Variants in MYO6 observed in about 807,000 individuals in gnomAD.
MYO6 encodes the protein myosin VI, also known as unconventional myosin-VI.
MYO6 carries 74 observed loss-of-function variants against 178.7 expected under a neutral mutation model. The ratio of observed to expected loss-of-function variants is 0.41; its 90% CI spans 0.34 to 0.50. The LOEUF is 0.50. Among genes scored for constraint, MYO6 ranks in the 20% least tolerant of loss-of-function variants. MYO6 has a pLI of 0.09. For missense variants in MYO6, 1,330 were observed against 1,547.4 expected (o/e 0.86, Z 2.36); for synonymous variants, 477 against 504.6 (o/e 0.95, Z 0.73).
intron 30 of MYO6, among the ~76,000 whole-genome samples, chr6:75,904,078 A>G (rs374483145): frequency 6.6e-6 from 1 of 152,112 alleles, no homozygotes; most frequent in Non-Finnish European, 1.5e-5. Flanking sequence ...TGGCTTGTAG[A>G]GTTTCTGCCA....
chr6:75,858,910 G>T lies in MYO6; in HGVS notation c.1390G>T (p.Glu464Ter). 6.2e-7 allele frequency: 1 copy of T among 1,601,102 alleles called. No individual in the cohort carries two copies. Among genetic ancestry groups the T allele is most frequent in the South Asian group, 1.1e-5 (1 of 90,336 alleles). The change falls in exon 14 of 35, where the codon GAG (glutamate) becomes TAG (stop). Residue 464 changes from glutamate to a stop codon, truncating the protein, a stop_gained. Transcript: ENST00000369977. LOFTEE classifies it high-confidence loss of function. ...TGGTTTTATATTTTCAGAGTACTTT[G>T]AGCATAACAGTTTTGAACAATTTTG... Reference protein sequence around the residue: ...VLDIAGFEYFEHNSFEQFCIN... With the variant: ...VLDIAGFEYF
chr6:75,913,594 TTAAAC>T (rs1438159446), intron 33 of MYO6, among the ~76,000 whole-genome samples: 2 of 152,234 alleles, frequency 1.3e-5, no homozygotes, highest in African/African-American at 4.8e-5. Flanking sequence ...GAAATAGTGA[TTAAAC>T]TGACAAATGT....
intron 1 of MYO6, among the ~76,000 whole-genome samples, chr6:75,750,554 C>T (rs542457763): frequency 9.9e-4 from 145 of 146,278 alleles, no homozygotes; most frequent in African/African-American, 3.4e-3. Flanking sequence ...TTTTAATGCT[C>T]TGGTGGTATA....
intron 29 of MYO6, among the ~76,000 whole-genome samples, chr6:75,896,758 G>A (rs1385168963): frequency 1.3e-5 from 2 of 152,154 alleles, no homozygotes; most frequent in Non-Finnish European, 2.9e-5. Context: ...CTCACACATT[G>A]TTGTTACCAC....
chr6:75,908,041 C>T (rs1562314729), intron 31 of MYO6, among the ~76,000 whole-genome samples: 1 of 152,262 alleles, frequency 6.6e-6, no homozygotes, highest in East Asian at 1.9e-4. Flanking sequence ...ATTCAGAAAA[C>T]TATGACTAGA....
chr6:75,841,122 G>GT lies in MYO6; in HGVS notation c.652-92_652-91insT, dbSNP rs370811316. ...ATTATAACCTCTTTGATAGACAAAT[G>GT]GTATTAGAAAAGGTAAATAATTTAA... On this transcript the variant is annotated intron_variant, in intron 8 of 34. Transcript: ENST00000369977. 551,155 of 1,223,298 alleles carry GT rather than the reference G, an allele frequency of 0.45. 129,460 individuals are homozygous for GT. Among genetic ancestry groups the GT allele is most frequent in the Middle Eastern group, 0.51 (2,016 of 3,958 alleles). The allele number at this position is 1,223,298 out of a possible 1,614,324, so 75.8% of individuals were successfully genotyped here. A position where few individuals can be genotyped will look rare whatever the true frequency, so the allele number is the denominator to read the frequency against.
Position 75,804,990 on chromosome 6 carries a change from T to TAC in MYO6, c.-47-12510_-47-12509insCA, listed in dbSNP as rs1364681611. ...ACACATATATACACACACATATATA[T>TAC]ATACACACACACATATATATATATA... On this transcript the variant is annotated intron_variant, in intron 1 of 34. Coordinates refer to ENST00000369977, the MANE Select transcript of MYO6 (RefSeq NM_004999.4). Among the ~76,000 whole-genome samples the TAC allele has an allele frequency of 3.9e-3, 490 of 125,400 alleles. 2 individuals are homozygous for TAC. Among genetic ancestry groups the TAC allele is most frequent in the African/African-American group, 0.016 (469 of 29,486 alleles). 82.3% of individuals were successfully genotyped at this position (125,400 alleles called of 152,430 possible).
At chr6:75,762,750 C>T (rs1778063144) in intron 1 of MYO6, among the ~76,000 whole-genome samples, 1 of 152,218 alleles carries the variant, frequency 6.6e-6, no homozygotes, top group South Asian at 2.1e-4. Context: ...AAGCCATTGT[C>T]TGCAGCTCTT....
At chr6:75,786,175 C>T (rs1767547681) in intron 1 of MYO6, among the ~76,000 whole-genome samples, 1 of 152,122 alleles carries the variant, frequency 6.6e-6, no homozygotes, top group Non-Finnish European at 1.5e-5. Context: ...ATCTGCCCGC[C>T]TTGGCTTCCC....
Position 75,895,518 on chromosome 6 carries a change from A to AT in MYO6, c.3137+274dup, listed in dbSNP as rs372759632. Among the ~76,000 whole-genome samples the AT allele has an allele frequency of 8.5e-3, 1,192 of 140,162 alleles. 16 individuals carry two copies. The highest frequency in any genetic ancestry group is 0.02 in the African/African-American group (760 of 38,462). The allele number at this position is 140,162 out of a possible 152,430, so 92.0% of individuals were successfully genotyped here. On this transcript the variant is annotated intron_variant, in intron 29 of 34. Coordinates refer to ENST00000369977, the MANE Select transcript of MYO6 (RefSeq NM_004999.4). ...TATTTTGTTTTATGTATATATATGA[A>AT]TTTTTTTTTTTTTTTTGAGACAGAG...
intron 14 of MYO6, 22 bp from the exon 15 acceptor site, chr6:75,861,001 A>G (rs762647062): frequency 1.9e-5 from 29 of 1,502,700 alleles, no homozygotes; most frequent in Admixed American, 6.7e-5. Flanking sequence ...TGTATCTATG[A>G]TTATGATTAT....
chr6:75,846,427 T>A (rs1009266294), intron 10 of MYO6, among the ~76,000 whole-genome samples: 4 of 152,104 alleles, frequency 2.6e-5, no homozygotes, highest in Non-Finnish European at 5.9e-5. Context: ...AGCATATTTA[T>A]ATAAAAGGAT....
intron 1 of MYO6, among the ~76,000 whole-genome samples, chr6:75,791,027 G>A (rs1442314370): frequency 6.6e-6 from 1 of 152,070 alleles, no homozygotes; most frequent in Non-Finnish European, 1.5e-5. Flanking sequence ...TCCGCCTCCC[G>A]AGTTCATGCC....
intron 10 of MYO6, among the ~76,000 whole-genome samples, chr6:75,845,594 T>C (rs372082325): frequency 6.6e-6 from 1 of 152,136 alleles, no homozygotes; most frequent in East Asian, 1.9e-4. Context: ...CTTGGGAGGC[T>C]AAAGTGGGAG....
chr6:75,822,536 C>T (rs1771998827), intron 2 of MYO6, among the ~76,000 whole-genome samples: 1 of 151,708 alleles, frequency 6.6e-6, no homozygotes, highest in South Asian at 2.1e-4. Flanking sequence ...GGTGTTGGAG[C>T]CTAGGATACT....
At chr6:75,751,095 G>A (rs1162061006) in intron 1 of MYO6, among the ~76,000 whole-genome samples, 1 of 152,034 alleles carries the variant, frequency 6.6e-6, no homozygotes, top group Non-Finnish European at 1.5e-5. Flanking sequence ...TTCCTTAATT[G>A]TAGAAACCGC....
chr6:75,844,983 G>C lies in MYO6; in HGVS notation c.897+6G>C. On this transcript the variant is annotated splice_donor_region_variant and intron_variant, in intron 10 of 34. Coordinates refer to ENST00000369977, the MANE Select transcript of MYO6 (RefSeq NM_004999.4). ...AGAACCGCAAAAGTCCTGAGGTATA[G>C]TAGACCATTGTTCATAAAATCTTTA... 6.3e-7 allele frequency: 1 copy of C among 1,599,466 alleles called. No homozygotes were observed. Among genetic ancestry groups the C allele is most frequent in the Non-Finnish European group, 8.6e-7 (1 of 1,167,472 alleles).
intron 12 of MYO6, among the ~76,000 whole-genome samples, chr6:75,855,896 G>A (rs1421070309): frequency 1.3e-5 from 2 of 152,160 alleles, no homozygotes; most frequent in African/African-American, 4.8e-5. Context: ...TTTGTGGAGG[G>A]AAGAAGACCC....
chr6:75,750,460 C>A (rs1220027080), intron 1 of MYO6, among the ~76,000 whole-genome samples: 1 of 150,770 alleles, frequency 6.6e-6, no homozygotes, highest in Non-Finnish European at 1.5e-5. Flanking sequence ...TCCTGATTTA[C>A]AAGTATTAGT....
Sources: gnomAD v4.1 joint callset for allele counts (sites outside exome capture counted in the v4.1 genomes callset) on GRCh38, gnomAD v4.1.1 for gene constraint, MANE v1.5 for transcripts, NCBI Gene and HGNC (gene_info 2026-07-23, HGNC 2026-07-21) for gene names.